The following DIAPH2 variants were observed in gnomAD, a reference collection of about 807,000 sequenced individuals.
DIAPH2 encodes the protein protein diaphanous homolog 2.
DIAPH2 carries 35 observed loss-of-function variants against 92.7 expected under a neutral mutation model. That is an observed-to-expected ratio of 0.38 (90% CI 0.29 to 0.50). DIAPH2 has a LOEUF of 0.50. Among genes scored for constraint, DIAPH2 ranks in the 20% least tolerant of loss-of-function variants. The pLI, the probability that DIAPH2 is intolerant of heterozygous loss-of-function variation, is 0.94. For missense variants in DIAPH2, 701 were observed against 819.5 expected (o/e 0.86, Z 1.77); for synonymous variants, 301 against 280.4 (o/e 1.07, Z -0.73).
chrX:96,956,212 C>T (rs762369552), intron 15 of DIAPH2, among the ~76,000 whole-genome samples: 1 of 113,051 alleles, frequency 8.8e-6, no homozygotes, highest in Non-Finnish European at 1.9e-5. Flanking sequence ...GGGGCTTGCA[C>T]CCTCTAAGGC....
intron 17 of DIAPH2, among the ~76,000 whole-genome samples, chrX:96,978,102 G>A (rs2065973366): frequency 8.9e-6 from 1 of 111,959 alleles, no homozygotes; most frequent in Non-Finnish European, 1.9e-5. Flanking sequence ...GATATTAATG[G>A]CAGTTAAACT....
In DIAPH2 at chrX:97,429,722, G is replaced by A. The variant is rs963211561; in HGVS notation, c.3218G>A (p.Arg1073Gln). The A allele has an allele frequency of 3.3e-6, 4 of 1,208,018 alleles. No homozygotes were observed. Among genetic ancestry groups the A allele is most frequent in the Admixed American group, 2.2e-5 (1 of 45,549 alleles). ...TCAGGTGCAGCATTCAGAGACCGTC[G>A]AAAGCGGATTCCAAGGAATCCAGGT... ...LQSGAAFRDR[R>Q]KRIPRNPDNR... Residue 1073 changes from arginine (R) to glutamine (Q), a missense_variant, in exon 26 of 27, where the codon CGA becomes CAA. Around this residue, in one of 3 missense-constraint regions of DIAPH2, gnomAD observed 536 missense variants for 599.3 expected, o/e 0.89. Coordinates refer to ENST00000324765, the MANE Select transcript of DIAPH2 (RefSeq NM_006729.5).
chrX:96,731,740 C>T (rs751818908), intron 1 of DIAPH2, among the ~76,000 whole-genome samples: 33 of 111,545 alleles, frequency 3.0e-4, no homozygotes, highest in African/African-American at 9.8e-4. Context: ...TTTATAGTTA[C>T]ACAATATTCA....
intron 21 of DIAPH2, among the ~76,000 whole-genome samples, chrX:97,125,466 C>T (rs1467376596): frequency 1.3e-4 from 9 of 68,007 alleles, no homozygotes; most frequent in African/African-American, 5.4e-4. Context: ...AGAGTGACTC[C>T]GTCTCAAAAA....
At chrX:96,752,245 G>C (rs2064199136) in intron 3 of DIAPH2, among the ~76,000 whole-genome samples, 1 of 111,335 alleles carries the variant, frequency 9.0e-6, no homozygotes, top group Admixed American at 9.6e-5. Flanking sequence ...GAGTCATTAT[G>C]GTCTTTTCAC....
chrX:97,593,072 G>A (rs941346177), intron 26 of DIAPH2, among the ~76,000 whole-genome samples: 3 of 111,385 alleles, frequency 2.7e-5, no homozygotes, highest in Non-Finnish European at 5.7e-5. Context: ...GTACCCATTG[G>A]GTTTGTTTAT....
At chrX:97,377,400 T>TAATA (rs2069511541) in intron 24 of DIAPH2, among the ~76,000 whole-genome samples, 2 of 112,240 alleles carry the variant, frequency 1.8e-5, no homozygotes, top group Admixed American at 1.9e-4. Context: ...AGCATCACCA[T>TAATA]AATAAGTACA....
At chrX:97,568,973 G>A (rs913794203) in intron 26 of DIAPH2, among the ~76,000 whole-genome samples, 1 of 111,840 alleles carries the variant, frequency 8.9e-6, no homozygotes, top group African/African-American at 3.2e-5. Context: ...TGTTGATGAC[G>A]TTTTGCTCAT....
chrX:97,516,575 A>C (rs1476091038), intron 26 of DIAPH2, among the ~76,000 whole-genome samples: 1 of 112,129 alleles, frequency 8.9e-6, no homozygotes, highest in East Asian at 2.8e-4. Context: ...GGACAAGATC[A>C]CTATAGTTTG....
At chrX:97,334,290 G>A (rs1024246158) in intron 23 of DIAPH2, among the ~76,000 whole-genome samples, 1 of 89,045 alleles carries the variant, frequency 1.1e-5, no homozygotes, top group Admixed American at 1.2e-4. Context: ...GTGAAACCTC[G>A]TCTCTACTAA....
At chrX:97,503,242 A>G (rs893723983) in intron 26 of DIAPH2, among the ~76,000 whole-genome samples, 1 of 112,058 alleles carries the variant, frequency 8.9e-6, no homozygotes, top group Non-Finnish European at 1.9e-5. Context: ...AAATTATACC[A>G]GTGGTAGAAA....
At chrX:97,196,253 C>T (rs1257763984) in intron 22 of DIAPH2, among the ~76,000 whole-genome samples, 4 of 110,296 alleles carry the variant, frequency 3.6e-5, no homozygotes, top group Non-Finnish European at 5.7e-5. Context: ...CATGCACATA[C>T]GTGTGTATAG....
chrX:97,174,012 G>A (rs1215861681), intron 22 of DIAPH2, among the ~76,000 whole-genome samples: 1 of 105,323 alleles, frequency 9.5e-6, no homozygotes, highest in African/African-American at 3.4e-5. Context: ...TAAGGATTTA[G>A]TATATAATAA....
At chrX:97,272,140 A>G (rs2068393822) in intron 23 of DIAPH2, among the ~76,000 whole-genome samples, 1 of 110,611 alleles carries the variant, frequency 9.0e-6, no homozygotes, top group African/African-American at 3.3e-5. Context: ...CTGGGACTAC[A>G]GGCATGCACC....
chrX:96,906,499 TG>T (rs1326334739), intron 5 of DIAPH2, among the ~76,000 whole-genome samples: 2 of 112,421 alleles, frequency 1.8e-5, no homozygotes, highest in Non-Finnish European at 3.8e-5. Flanking sequence ...TTTATTGTGA[TG>T]TTTTATATAC....
chrX:97,579,313 T>G (rs1336199084), intron 26 of DIAPH2, among the ~76,000 whole-genome samples: 12 of 110,305 alleles, frequency 1.1e-4, no homozygotes, highest in Admixed American at 5.8e-4. Flanking sequence ...AGGTCTAACG[T>G]TTAAGTCTTT....
intron 23 of DIAPH2, among the ~76,000 whole-genome samples, chrX:97,303,209 C>G (rs951424339): frequency 9.0e-6 from 1 of 111,572 alleles, no homozygotes; most frequent in Non-Finnish European, 1.9e-5. Flanking sequence ...ATTTGGGTTA[C>G]TTGGTGTCTT....
intron 26 of DIAPH2, among the ~76,000 whole-genome samples, chrX:97,456,060 T>C (rs12687796): frequency 0.39 from 43,033 of 110,968 alleles, 5,963 homozygotes; most frequent in East Asian, 0.57. Flanking sequence ...TTGACTTCTT[T>C]CTACAGAAAT....
chrX:96,957,913 C>T lies in DIAPH2; in HGVS notation c.1700C>T (p.Pro567Leu). ...GGTGTAGGGCCGCCTCCACCACCAC[C>T]CGCGCCACCTCTACCCGGAGGAGCT... ...LPGVGPPPPP[P>L]APPLPGGAPL... The change falls in exon 16 of 27, where the codon CCC (proline) becomes CTC (leucine). Residue 567 changes from proline to leucine, a missense_variant. By Grantham distance (98) the Pro-to-Leu change is moderately conservative. Coordinates refer to ENST00000324765, the MANE Select transcript of DIAPH2 (RefSeq NM_006729.5). 8.3e-7 allele frequency: 1 copy of T among 1,210,852 alleles called. No individual in the cohort carries two copies. The highest frequency in any genetic ancestry group is 1.8e-5 in the South Asian group (1 of 56,857).
Sources: allele counts gnomAD v4.1 joint callset (sites outside exome capture counted in the v4.1 genomes callset), GRCh38; gene constraint gnomAD v4.1.1; regional missense constraint gnomAD v4.1.1; transcripts MANE v1.5; gene names NCBI Gene and HGNC (gene_info 2026-07-23, HGNC 2026-07-21).